Variants in TENM3 observed in about 807,000 individuals in gnomAD.
The protein encoded by TENM3 is teneurin-3.
A neutral mutation model predicts 255.1 loss-of-function variants in TENM3; 63 were observed. The observed-to-expected ratio is 0.25, with a 90% confidence interval of 0.20 to 0.30. TENM3 has a LOEUF of 0.30. TENM3 is among the 10% of genes least tolerant of loss of function. TENM3 has a pLI of 1.00. For synonymous variants in TENM3, 1,306 were observed against 1,322.3 expected (o/e 0.99, Z 0.27); for missense variants, 2,929 against 3,461.1 (o/e 0.85, Z 3.86).
At chr4:182,477,021 A>G (rs1733741539) in intron 3 of TENM3, among the ~76,000 whole-genome samples, 4 of 152,238 alleles carry the variant, frequency 2.6e-5, no homozygotes, top group Admixed American at 2.0e-4. Flanking sequence ...AAGATGAGGC[A>G]GAACTATTTC....
At chr4:182,626,071 G>C (rs1750788695) in intron 4 of TENM3, among the ~76,000 whole-genome samples, 2 of 152,208 alleles carry the variant, frequency 1.3e-5, no homozygotes. Flanking sequence ...TTGGAACAGA[G>C]CCAGAGTTAA....
At chr4:182,100,029 T>G in the TENM3 span, among the ~76,000 whole-genome samples, 2 of 152,138 alleles carry the variant, frequency 1.3e-5, no homozygotes, top group African/African-American at 4.8e-5. Flanking sequence ...TATCCCTTCA[T>G]GTAAATCAAC....
chr4:181,498,928 C>T, the TENM3 span, among the ~76,000 whole-genome samples: 1 of 152,124 alleles, frequency 6.6e-6, no homozygotes, highest in African/African-American at 2.4e-5. Flanking sequence ...GTAAGCAATA[C>T]ATTTTATATT....
chr4:182,091,270 C>T, the TENM3 span, among the ~76,000 whole-genome samples: 1 of 152,132 alleles, frequency 6.6e-6, no homozygotes, highest in Non-Finnish European at 1.5e-5. Flanking sequence ...GAACAAGTTC[C>T]AATAAACAAT....
the TENM3 span, among the ~76,000 whole-genome samples, chr4:181,883,771 T>C: frequency 4.6e-5 from 7 of 152,114 alleles, no homozygotes; most frequent in Non-Finnish European, 1.0e-4. Context: ...GCCACCGCAA[T>C]ATACAATTTT....
At chr4:182,479,337 T>C (rs1312330603) in intron 3 of TENM3, among the ~76,000 whole-genome samples, 1 of 151,876 alleles carries the variant, frequency 6.6e-6, no homozygotes, top group Admixed American at 6.6e-5. Context: ...GCTACGTTTT[T>C]ATATTAACTT....
chr4:181,689,152 C>G, the TENM3 span, among the ~76,000 whole-genome samples: 2 of 152,206 alleles, frequency 1.3e-5, no homozygotes, highest in Non-Finnish European at 2.9e-5. Context: ...ATGCAGAACC[C>G]CCTGCCTGGA....
At chr4:182,454,313 A>G (rs1773706702) in intron 3 of TENM3, among the ~76,000 whole-genome samples, 1 of 152,066 alleles carries the variant, frequency 6.6e-6, no homozygotes. Flanking sequence ...GAAGGTGAAA[A>G]TTAAAATTAG....
chr4:181,865,902 TC>T, the TENM3 span, among the ~76,000 whole-genome samples: 2 of 152,288 alleles, frequency 1.3e-5, no homozygotes, highest in East Asian at 3.9e-4. Flanking sequence ...GAGAAATTGG[TC>T]AGTTTAAGTC....
chr4:181,770,600 G>A, the TENM3 span, among the ~76,000 whole-genome samples: 94 of 150,162 alleles, frequency 6.3e-4, no homozygotes, highest in South Asian at 8.4e-3. Flanking sequence ...GCATGAACCT[G>A]GGAGGTGGAG....
the TENM3 span, among the ~76,000 whole-genome samples, chr4:181,693,248 A>G: frequency 1.3e-5 from 2 of 152,210 alleles, no homozygotes; most frequent in African/African-American, 2.4e-5. Context: ...TAAATAGCCC[A>G]TTGTACATTT....
chr4:182,676,794 T>G (rs1755696121), intron 7 of TENM3, among the ~76,000 whole-genome samples: 1 of 152,226 alleles, frequency 6.6e-6, no homozygotes, highest in Non-Finnish European at 1.5e-5. Context: ...TGAGGATTTT[T>G]AAAGCGTGTA....
At chr4:181,804,557 C>G in the TENM3 span, among the ~76,000 whole-genome samples, 1 of 152,116 alleles carries the variant, frequency 6.6e-6, no homozygotes, top group Non-Finnish European at 1.5e-5. Flanking sequence ...GGTATTTGAT[C>G]TGAGACTTTA....
chr4:182,796,008 C>T (rs10031404), intron 26 of TENM3, among the ~76,000 whole-genome samples: 4,906 of 152,170 alleles, frequency 0.032, 192 homozygotes, highest in African/African-American at 0.092. Context: ...TAAAGGTTTC[C>T]GGGTTCTCTC....
the TENM3 span, among the ~76,000 whole-genome samples, chr4:182,054,344 G>GT: frequency 1.3e-5 from 2 of 152,290 alleles, no homozygotes; most frequent in South Asian, 4.1e-4. Flanking sequence ...GAATAAAGAG[G>GT]TGAAAGAGAC....
the TENM3 span, among the ~76,000 whole-genome samples, chr4:181,650,251 T>C: frequency 1.1e-3 from 167 of 152,354 alleles, no homozygotes; most frequent in African/African-American, 3.8e-3. Flanking sequence ...AACTTGCCTT[T>C]GTAATCCTAC....
chr4:182,317,074 T>C (rs191495768), intron 1 of TENM3, among the ~76,000 whole-genome samples: 1 of 152,358 alleles, frequency 6.6e-6, no homozygotes, highest in African/African-American at 2.4e-5. Context: ...ATCCAGTTCT[T>C]GTTACTGCAA....
the TENM3 span, chr4:182,079,887 G>A: frequency 4.6e-5 from 7 of 152,312 alleles, no homozygotes; most frequent in African/African-American, 7.2e-5. Context: ...CTGAGTCAGC[G>A]AGGAAAGCAA....
chr4:181,749,130 A>G, the TENM3 span, among the ~76,000 whole-genome samples: 3 of 152,132 alleles, frequency 2.0e-5, no homozygotes, highest in African/African-American at 7.2e-5. Flanking sequence ...ATTTCTAGGA[A>G]GAAAATACAT....
Sources: gnomAD v4.1 joint callset for allele counts (sites outside exome capture counted in the v4.1 genomes callset) on GRCh38, gnomAD v4.1.1 for gene constraint, MANE v1.5 for transcripts, NCBI Gene and HGNC (gene_info 2026-07-23, HGNC 2026-07-21) for gene names.